MED30: variants seen among roughly 807,000 people sequenced by gnomAD.
The protein encoded by MED30 is mediator of RNA polymerase II transcription subunit 30.
In MED30, 8 loss-of-function variants were observed where a neutral mutation model predicts 21.7. The observed-to-expected ratio is 0.37, with a 90% CI of 0.22 to 0.67. MED30 has a LOEUF of 0.67. MED30 is among the 30% of genes least tolerant of loss of function. The pLI is 0.58. For missense variants in MED30, 203 were observed against 228.2 expected (o/e 0.89, Z 0.71); for synonymous variants, 79 against 86.7 (o/e 0.91, Z 0.49).
chr8:117,539,853 C>T (rs202097644), intron 3 of MED30, 30 bp from the exon 4 acceptor site: 2 of 1,345,116 alleles, frequency 1.5e-6, no homozygotes. Flanking sequence ...TTTCCTGAAA[C>T]ATTTTTGATA....
chr8:117,527,924 CTAAA>C (rs1450967419), intron 1 of MED30, among the ~76,000 whole-genome samples: 2 of 151,728 alleles, frequency 1.3e-5, no homozygotes, highest in Non-Finnish European at 3.0e-5. Flanking sequence ...GTTATAAATT[CTAAA>C]TAAATAGTCG....
chr8:117,523,469 G>A (rs1818664713), intron 1 of MED30: 1 of 1,582,796 alleles, frequency 6.3e-7, no homozygotes, highest in Non-Finnish European at 8.7e-7. Flanking sequence ...GTCTCTGGAC[G>A]GCTGCGGCGT....
intron 3 of MED30, among the ~76,000 whole-genome samples, chr8:117,531,628 CATCTG>C (rs1818793205): frequency 6.6e-6 from 1 of 151,650 alleles, no homozygotes; most frequent in Admixed American, 6.6e-5. Flanking sequence ...GTCTAAAAGA[CATCTG>C]ATAAAATTCA....
chr8:117,534,706 CT>C (rs1358138137), intron 3 of MED30, among the ~76,000 whole-genome samples: 4 of 152,110 alleles, frequency 2.6e-5, no homozygotes, highest in Non-Finnish European at 5.9e-5. Context: ...ATGAATTCTT[CT>C]ACCTATATTT....
At chr8:117,531,307 A>G (rs1052534429) in intron 3 of MED30, among the ~76,000 whole-genome samples, 1 of 152,076 alleles carries the variant, frequency 6.6e-6, no homozygotes, top group Non-Finnish European at 1.5e-5. Flanking sequence ...ATAATGTTCA[A>G]ATAGTTCTCG....
At chr8:117,525,734 C>T (rs1818708930) in intron 1 of MED30, among the ~76,000 whole-genome samples, 1 of 152,020 alleles carries the variant, frequency 6.6e-6, no homozygotes, top group South Asian at 2.1e-4. Flanking sequence ...TTTCAGGTAG[C>T]TTTTATATAA....
At chr8:117,527,446 A>G (rs772045638) in intron 1 of MED30, among the ~76,000 whole-genome samples, 1 of 151,908 alleles carries the variant, frequency 6.6e-6, no homozygotes, top group Non-Finnish European at 1.5e-5. Flanking sequence ...CTTGTAAACC[A>G]TAACAGTACT....
intron 3 of MED30, among the ~76,000 whole-genome samples, chr8:117,532,334 G>A (rs2130815658): frequency 6.6e-6 from 1 of 152,056 alleles, no homozygotes; most frequent in East Asian, 1.9e-4. Flanking sequence ...CAAAGAAAAT[G>A]TTGATAAATA....
At chr8:117,522,206 G>C (rs1322606634) in intron 1 of MED30, among the ~76,000 whole-genome samples, 1 of 152,098 alleles carries the variant, frequency 6.6e-6, no homozygotes, top group Non-Finnish European at 1.5e-5. Context: ...TTACTGATTT[G>C]TTCTTTTATA....
In MED30 at chr8:117,520,718, A is replaced by T; in HGVS notation, c.-159A>T. On this transcript the variant is annotated 5_prime_UTR_variant, in exon 1 of 4. Transcript: ENST00000297347. ...TGTCTATGACGTTTTCTGACGTGTTACGTCACAGTGGGCGGAAGTCGCGGC... is the reference window on the plus strand; with the variant it reads ...TGTCTATGACGTTTTCTGACGTGTTTCGTCACAGTGGGCGGAAGTCGCGGC... 1.5e-6 allele frequency: 1 copy of T among 685,296 alleles called. No homozygotes were observed. The highest frequency in any genetic ancestry group is 2.4e-6 in the Non-Finnish European group (1 of 423,086). 42.5% of individuals were successfully genotyped at this position (685,296 alleles called of 1,614,324 possible). A position where few individuals can be genotyped will look rare whatever the true frequency, so the allele number is the denominator to read the frequency against.
Position 117,520,884 on chromosome 8 carries a change from C to T in MED30, c.8C>T (p.Thr3Ile). 2 of 1,597,832 alleles carry T rather than the reference C, an allele frequency of 1.3e-6. No individual in the cohort carries two copies. Among genetic ancestry groups the T allele is most frequent in the South Asian group, 1.1e-5 (1 of 89,538 alleles). Residue 3 changes from threonine to isoleucine, a missense_variant, in exon 1 of 4, where the codon ACC becomes ATC. By Grantham distance (89) the Thr-to-Ile change is moderately conservative. Coordinates refer to ENST00000297347, the MANE Select transcript of MED30 (RefSeq NM_080651.4). ...TGAAGCTGCAGCCGCGCCATGTCCA[C>T]CCCTCCGTTGGCCGCGTCGGGGATG... The part of the protein sequence containing the change: MS[T>I]PPLAASGMAP...
intron 3 of MED30, among the ~76,000 whole-genome samples, chr8:117,537,800 C>T (rs1221389476): frequency 6.6e-6 from 1 of 152,042 alleles, no homozygotes; most frequent in East Asian, 1.9e-4. Flanking sequence ...TTTTAACCAC[C>T]CAGATGACCA....
At chr8:117,523,696 C>T in intron 1 of MED30, 1 of 1,562,316 alleles carries the variant, frequency 6.4e-7, no homozygotes. Flanking sequence ...TCCTTGGCCA[C>T]CATGATTCCC....
At chr8:117,529,754 C>A (rs1167725648) in intron 2 of MED30, among the ~76,000 whole-genome samples, 1 of 151,788 alleles carries the variant, frequency 6.6e-6, no homozygotes, top group Non-Finnish European at 1.5e-5. Flanking sequence ...GAGATAGGAA[C>A]ATGTTTGAAT....
At chr8:117,530,637 G>T in intron 2 of MED30, 86 bp from the exon 3 acceptor site, 1 of 807,248 alleles carries the variant, frequency 1.2e-6, no homozygotes, top group South Asian at 2.0e-5. Flanking sequence ...TATAAAAATT[G>T]ACCTTAATCT....
In MED30 at chr8:117,520,957, A is replaced by G; in HGVS notation, c.81A>G (p.Glu27=). 6.2e-7 allele frequency: 1 copy of G among 1,612,810 alleles called. No homozygotes were observed. The highest frequency in any genetic ancestry group is 8.5e-7 in the Non-Finnish European group (1 of 1,179,414). The change falls in exon 1 of 4, where the codon GAA becomes GAG. Residue 27 remains glutamate (E), a synonymous_variant. Coordinates refer to ENST00000297347, the MANE Select transcript of MED30 (RefSeq NM_080651.4). ...AGPQAQQAAR[E]VNTASLCRIG... ...CCCAGGCTCAGCAGGCCGCCCGGGAAGTCAACACGGCGTCGCTGTGCCGCA... is the reference window on the plus strand; with the variant it reads ...CCCAGGCTCAGCAGGCCGCCCGGGAGGTCAACACGGCGTCGCTGTGCCGCA...
intron 1 of MED30, among the ~76,000 whole-genome samples, chr8:117,526,628 A>G (rs1302276527): frequency 6.6e-6 from 1 of 152,028 alleles, no homozygotes; most frequent in Non-Finnish European, 1.5e-5. Context: ...ACACCGTGGT[A>G]TATACCAAGG....
intron 1 of MED30, among the ~76,000 whole-genome samples, chr8:117,526,573 C>T (rs987101771): frequency 2.0e-5 from 3 of 151,950 alleles, no homozygotes; most frequent in African/African-American, 7.2e-5. Context: ...TTCATCCATA[C>T]TCATGAGTGA....
rs1377767067 is a variant in MED30, at chr8:117,540,047, G to A, written c.*69G>A. On this transcript the variant is annotated 3_prime_UTR_variant, in exon 4 of 4. Coordinates refer to ENST00000297347, the MANE Select transcript of MED30 (RefSeq NM_080651.4). ...TTTTTCCCTCAAGTATTTTTTCCCT[G>A]TGAAGAAGATTATTTATCTGCTTTT... The A allele has an allele frequency of 3.5e-6, 3 of 867,528 alleles. No homozygotes were observed. The allele number at this position is 867,528 out of a possible 1,614,324, so 53.7% of individuals were successfully genotyped here.
Sources: allele counts gnomAD v4.1 joint callset (sites outside exome capture counted in the v4.1 genomes callset), GRCh38; gene constraint gnomAD v4.1.1; transcripts MANE v1.5; gene names NCBI Gene and HGNC (gene_info 2026-07-23, HGNC 2026-07-21).